Variants in TRIO observed in about 807,000 individuals in gnomAD.
The protein encoded by TRIO is triple functional domain protein.
A neutral mutation model predicts 351.9 loss-of-function variants in TRIO; 58 were observed. The observed-to-expected ratio is 0.16, with a 90% CI of 0.13 to 0.21. The LOEUF is 0.21. Ranked by LOEUF, TRIO falls within the 10% of genes least tolerant of loss-of-function variation. TRIO has a pLI of 1.00. For missense variants in TRIO, 3,201 were observed against 4,027.8 expected, an observed-to-expected ratio of 0.79 and a Z score of 5.56; for synonymous variants, 1,758 against 1,595.7, an observed-to-expected ratio of 1.10 and a Z score of -2.42.
chr5:14,426,567 T>C (rs1408845948), intron 34 of TRIO, among the ~76,000 whole-genome samples: 1 of 152,212 alleles, frequency 6.6e-6, no homozygotes, highest in African/African-American at 2.4e-5. Context: ...AAACAGATTG[T>C]AACAGGAATG....
intron 34 of TRIO, among the ~76,000 whole-genome samples, chr5:14,455,071 CG>C (rs1753168296): frequency 6.6e-6 from 1 of 152,078 alleles, no homozygotes; most frequent in South Asian, 2.1e-4. Flanking sequence ...CAGACCTTCG[CG>C]GTGAGTGTTA....
At chr5:14,384,217 A>G (rs1207413916) in intron 21 of TRIO, among the ~76,000 whole-genome samples, 1 of 152,198 alleles carries the variant, frequency 6.6e-6, no homozygotes, top group Non-Finnish European at 1.5e-5. Context: ...TCCGGAAGCC[A>G]TTGCCTTACT....
At chr5:14,390,477 GT>G in intron 26 of TRIO, 177 bp downstream of exon 26, 1 of 624,918 alleles carries the variant, frequency 1.6e-6, no homozygotes. Flanking sequence ...TGTGGAGTGA[GT>G]TTTTTTATTG....
intron 7 of TRIO, among the ~76,000 whole-genome samples, chr5:14,297,771 G>A (rs1737491570): frequency 6.6e-6 from 1 of 152,172 alleles, no homozygotes; most frequent in Non-Finnish European, 1.5e-5. Context: ...CTAGCTGCAC[G>A]GCTATGGAGG....
At chr5:14,182,873 T>A (rs63449562) in intron 1 of TRIO, among the ~76,000 whole-genome samples, 10 of 32,750 alleles carry the variant, frequency 3.1e-4, no homozygotes, top group Non-Finnish European at 1.1e-3. Flanking sequence ...CCCCCCCCCC[T>A]CCACTTTGCC....
At chr5:14,225,530 G>A (rs1422695562) in intron 1 of TRIO, among the ~76,000 whole-genome samples, 3 of 152,090 alleles carry the variant, frequency 2.0e-5, no homozygotes, top group African/African-American at 4.8e-5. Context: ...GTAGGACTGA[G>A]GTCCCAGGGT....
chr5:14,460,945 C>T (rs1333980943), intron 34 of TRIO, 74 bp from the exon 35 acceptor site: 9 of 1,433,920 alleles, frequency 6.3e-6, no homozygotes, highest in Middle Eastern at 1.8e-4. Context: ...CTGCAGCCTG[C>T]GGGATAATGG....
intron 46 of TRIO, among the ~76,000 whole-genome samples, chr5:14,483,415 G>T (rs561573685): frequency 8.9e-4 from 135 of 152,374 alleles, no homozygotes; most frequent in Admixed American, 2.2e-3. Flanking sequence ...CTCTGCAGCT[G>T]TGCAGACCCT....
At chr5:14,308,451 A>G (rs1354514369) in intron 8 of TRIO, among the ~76,000 whole-genome samples, 1 of 138,420 alleles carries the variant, frequency 7.2e-6, no homozygotes, top group Admixed American at 7.2e-5. Flanking sequence ...TATTTATCCA[A>G]TCCCCATCCA....
chr5:14,486,130 T>C (rs1243464813), intron 47 of TRIO, among the ~76,000 whole-genome samples: 1 of 152,262 alleles, frequency 6.6e-6, no homozygotes, highest in Non-Finnish European at 1.5e-5. Flanking sequence ...AAATGTTGGC[T>C]TCAACACTGG....
intron 1 of TRIO, among the ~76,000 whole-genome samples, chr5:14,207,429 CACGCAGCCAGGTAGCATAGCA>C (rs1791587619): frequency 1.3e-5 from 1 of 77,086 alleles, no homozygotes; most frequent in African/African-American, 4.9e-5. Flanking sequence ...CACACACACA[CACGCAGCCAGGTAGCATAGCA>C]AGACTGTCTC....
chr5:14,390,207 T>C, intron 25 of TRIO, 24 bp from the exon 26 acceptor site: 3 of 1,609,392 alleles, frequency 1.9e-6, no homozygotes, highest in Non-Finnish European at 1.7e-6. Flanking sequence ...CTTTGTAATA[T>C]GATACCATTT....
rs1286572436 is a variant in TRIO, at chr5:14,378,231, T to C, written c.3447+104T>C. Reference sequence around the variant, plus strand: ...ATTTCCGCCATCTTGAAAACCACTTTCTAATGACAAACAGTATAGCCTTCT... The same window carrying C: ...ATTTCCGCCATCTTGAAAACCACTTCCTAATGACAAACAGTATAGCCTTCT... On this transcript the variant is annotated intron_variant, in intron 20 of 56. Coordinates refer to ENST00000344204, the MANE Select transcript of TRIO (RefSeq NM_007118.4). 6.1e-6 allele frequency: 5 copies of C among 823,602 alleles called. No homozygotes were observed. The East Asian group carries it at 1.4e-4, about 22-fold the overall frequency. The allele number at this position is 823,602 out of a possible 1,614,324, so 51.0% of individuals were successfully genotyped here.
At chr5:14,267,271 C>T (rs1346254478) in intron 1 of TRIO, among the ~76,000 whole-genome samples, 2 of 152,192 alleles carry the variant, frequency 1.3e-5, no homozygotes, top group East Asian at 3.9e-4. Context: ...GACAAACCCC[C>T]CTGGTGGCAC....
chr5:14,387,508 C>T lies in TRIO; in HGVS notation c.3641C>T (p.Ala1214Val), dbSNP rs373893038. 30 of 1,613,970 alleles carry T rather than the reference C, an allele frequency of 1.9e-5. No homozygotes were observed. The highest frequency in any genetic ancestry group is 1.6e-4 in the Middle Eastern group (1 of 6,084). Reference protein sequence around the residue: ...DGFCEKGHAHAAEIKKCVTAV... With the variant: ...DGFCEKGHAHVAEIKKCVTAV... ...TTTTGTGAAAAAGGGCATGCCCATG[C>T]GGCAGAGATAAAAAAATGTGTTACT... is the stretch of plus-strand genomic sequence containing the variant. The change falls in exon 22 of 57, where the codon GCG becomes GTG. Residue 1214 changes from alanine to valine, a missense_variant. Physicochemically the swap from Ala to Val is moderately conservative, Grantham distance 64 (BLOSUM62 0). Coordinates refer to ENST00000344204, the MANE Select transcript of TRIO (RefSeq NM_007118.4).
intron 18 of TRIO, among the ~76,000 whole-genome samples, chr5:14,373,495 A>C (rs1745300656): frequency 6.6e-6 from 1 of 152,236 alleles, no homozygotes; most frequent in Admixed American, 6.5e-5. Flanking sequence ...AGATGTTTCC[A>C]ATTCACATAT....
rs140140777 is a variant in TRIO at position 14,282,533 on chromosome 5, A to G, written c.347+2097A>G. Among the ~76,000 whole-genome samples the G allele has an allele frequency of 4.4e-3, 674 of 152,296 alleles. 3 individuals carry two copies. The highest frequency in any genetic ancestry group is 0.014 in the African/African-American group (583 of 41,530). On this transcript the variant is annotated intron_variant, in intron 3 of 56. Transcript: ENST00000344204. ...TTTAATTGATATAGAAATTGGTTCA[A>G]GCACATTTTGGATAATCTGGATGAC...
In TRIO at chr5:14,497,079, G is replaced by A; in HGVS notation, c.8019+62G>A. 2 of 1,592,908 alleles carry A rather than the reference G, an allele frequency of 1.3e-6. No homozygotes were observed. Among genetic ancestry groups the A allele is most frequent in the African/African-American group, 1.3e-5 (1 of 74,126 alleles). Reference sequence around the variant, plus strand: ...AGCATGAGAGAAAGGATCAGGGAGGGCAGAGACTCTGCAGACCTGAAGCTG... The same window carrying A: ...AGCATGAGAGAAAGGATCAGGGAGGACAGAGACTCTGCAGACCTGAAGCTG... On this transcript the variant is annotated intron_variant, in intron 50 of 56. Coordinates refer to ENST00000344204, the MANE Select transcript of TRIO (RefSeq NM_007118.4). This position sits in a 1 kb window ranked among gnomAD's most constrained non-coding sequence, Gnocchi z 4.4.
At chr5:14,448,910 A>C (rs930601494) in intron 34 of TRIO, among the ~76,000 whole-genome samples, 9 of 152,324 alleles carry the variant, frequency 5.9e-5, no homozygotes, top group Non-Finnish European at 1.0e-4. Flanking sequence ...TTTTGGTTAC[A>C]GAAAAAGCAT....
Sources: gnomAD v4.1 joint callset for allele counts (sites outside exome capture counted in the v4.1 genomes callset) on GRCh38, gnomAD v4.1.1 for gene constraint, Gnocchi (gnomAD v3.1) non-coding constraint, MANE v1.5 for transcripts, NCBI Gene and HGNC (gene_info 2026-07-23, HGNC 2026-07-21) for gene names.